ACADSB: variants seen among roughly 807,000 people sequenced by gnomAD.
The protein encoded by ACADSB is acyl-CoA dehydrogenase short/branched chain, also known as short/branched chain specific acyl-CoA dehydrogenase, mitochondrial.
ACADSB carries 40 observed loss-of-function variants against 54.1 expected under a neutral mutation model. The ratio of observed to expected loss-of-function variants is 0.74; its 90% CI spans 0.57 to 0.96. ACADSB has a LOEUF of 0.96. Among genes scored for constraint, ACADSB ranks in the 40% least tolerant of loss-of-function variants. The pLI is 0.00. For synonymous variants in ACADSB, 182 were observed against 182.8 expected, an observed-to-expected ratio of 1.00 and a Z score of 0.03; for missense variants, 530 against 510.4, an observed-to-expected ratio of 1.04 and a Z score of -0.37.
At chr10:123,042,917 T>C (rs1385140948) in intron 5 of ACADSB, 129 bp from the exon 6 acceptor site, 5 of 966,728 alleles carry the variant, frequency 5.2e-6, no homozygotes, top group Non-Finnish European at 7.9e-6. Context: ...ATAATGCCCA[T>C]GTTGCAATTC....
chr10:123,029,035 A>T (rs994316630), intron 1 of ACADSB, among the ~76,000 whole-genome samples: 3 of 152,084 alleles, frequency 2.0e-5, no homozygotes. Flanking sequence ...GTGAAGCAAT[A>T]TTACATATTT....
intron 1 of ACADSB, among the ~76,000 whole-genome samples, chr10:123,019,395 G>A (rs1219863106): frequency 2.0e-5 from 3 of 152,182 alleles, no homozygotes; most frequent in Admixed American, 2.0e-4. Context: ...TTACATAATT[G>A]TTTTAAAATA....
intron 2 of ACADSB, among the ~76,000 whole-genome samples, chr10:123,034,947 C>CTT (rs138763749): frequency 6.7e-6 from 1 of 149,628 alleles, no homozygotes; most frequent in African/African-American, 2.4e-5. Flanking sequence ...TTCTTTCTTT[C>CTT]TTTTTTTTCT....
chr10:123,029,522 G>T (rs1276084285), intron 1 of ACADSB, among the ~76,000 whole-genome samples: 5 of 152,028 alleles, frequency 3.3e-5, no homozygotes, highest in Non-Finnish European at 7.4e-5. Context: ...CTATCATTTG[G>T]TGTTTTAAAG....
chr10:123,032,541 T>C (rs1850339956), intron 1 of ACADSB, among the ~76,000 whole-genome samples: 1 of 151,792 alleles, frequency 6.6e-6, no homozygotes. Context: ...GTGAGCGGAC[T>C]TGGCCCCCAT....
chr10:123,046,664 A>G (rs1850563853), intron 7 of ACADSB, among the ~76,000 whole-genome samples: 1 of 152,242 alleles, frequency 6.6e-6, no homozygotes, highest in Non-Finnish European at 1.5e-5. Flanking sequence ...AAATGATTCT[A>G]TGGTACAGCT....
chr10:123,014,364 TG>T (rs1227293890), intron 1 of ACADSB, among the ~76,000 whole-genome samples: 2 of 152,234 alleles, frequency 1.3e-5, no homozygotes, highest in East Asian at 3.8e-4. Flanking sequence ...GACAGGATCT[TG>T]TTCTGTCACC....
At chr10:123,018,343 C>T (rs1564746369) in intron 1 of ACADSB, among the ~76,000 whole-genome samples, 1 of 152,140 alleles carries the variant, frequency 6.6e-6, no homozygotes, top group Non-Finnish European at 1.5e-5. Context: ...TGTTGATTCC[C>T]TTGCCTTGTG....
intron 3 of ACADSB, among the ~76,000 whole-genome samples, chr10:123,039,768 G>T (rs972314699): frequency 3.3e-5 from 5 of 152,110 alleles, no homozygotes; most frequent in African/African-American, 1.2e-4. Context: ...GGTGGGTAGG[G>T]CATGTTGAAA....
chr10:123,044,981 C>T (rs1276874089), intron 7 of ACADSB, among the ~76,000 whole-genome samples: 1 of 151,174 alleles, frequency 6.6e-6, no homozygotes, highest in African/African-American at 2.4e-5. Flanking sequence ...TAAGTAGATA[C>T]ATAAAATGAG....
intron 1 of ACADSB, among the ~76,000 whole-genome samples, chr10:123,032,244 G>T (rs1341962618): frequency 6.6e-6 from 1 of 151,990 alleles, no homozygotes; most frequent in Non-Finnish European, 1.5e-5. Context: ...CTCCCAAAGT[G>T]CTCGGACTAC....
At chr10:123,042,922 C>A in intron 5 of ACADSB, 124 bp from the exon 6 acceptor site, 1 of 1,059,934 alleles carries the variant, frequency 9.4e-7, no homozygotes, top group Non-Finnish European at 1.4e-6. Context: ...GCCCATGTTG[C>A]AATTCTGAGT....
Position 123,041,346 on chromosome 10 carries a change from C to A in ACADSB, c.648C>A (p.Leu216=), listed in dbSNP as rs763581651. The A allele has an allele frequency of 1.1e-5, 17 of 1,614,078 alleles. No homozygotes were observed. The highest frequency in any genetic ancestry group is 1.4e-5 in the Non-Finnish European group (17 of 1,180,032). The change falls in exon 5 of 11, where the codon CTC becomes CTA. Residue 216 remains leucine (L), a synonymous_variant. Coordinates refer to ENST00000358776, the MANE Select transcript of ACADSB (RefSeq NM_001609.4). The stretch of plus-strand genomic sequence containing the variant: ...TCAGCAGTGCTGAGCACGCAGGGCT[C>A]TTTCTGGTGATGGCAAATGTAGACC... ...MWISSAEHAG[L]FLVMANVDPT...
At chr10:123,012,467 T>A (rs1032750722) in intron 1 of ACADSB, among the ~76,000 whole-genome samples, 1 of 152,192 alleles carries the variant, frequency 6.6e-6, no homozygotes, top group African/African-American at 2.4e-5. Flanking sequence ...TCTCACTGAC[T>A]TCAAGAATGA....
chr10:123,051,542 G>A (rs1054056312), intron 9 of ACADSB, among the ~76,000 whole-genome samples: 1 of 152,182 alleles, frequency 6.6e-6, no homozygotes, highest in Non-Finnish European at 1.5e-5. Flanking sequence ...TCCTCTGAAT[G>A]AGGGTGTCAT....
chr10:123,053,225 TTTTA>T, intron 10 of ACADSB, 65 bp downstream of exon 10: 1 of 1,360,198 alleles, frequency 7.4e-7, no homozygotes, highest in Non-Finnish European at 1.0e-6. Flanking sequence ...ATTTTGGCTG[TTTTA>T]TTTGTCGTTT....
At chr10:123,022,942 T>A (rs1327301680) in intron 1 of ACADSB, among the ~76,000 whole-genome samples, 1 of 152,250 alleles carries the variant, frequency 6.6e-6, no homozygotes, top group Admixed American at 6.5e-5. Context: ...CCATTTACTG[T>A]ACTCAATTCC....
intron 1 of ACADSB, among the ~76,000 whole-genome samples, chr10:123,022,408 C>T (rs1850195001): frequency 6.6e-6 from 1 of 152,214 alleles, no homozygotes; most frequent in African/African-American, 2.4e-5. Flanking sequence ...TCCACTGCCC[C>T]TCCCAGAAGG....
intron 4 of ACADSB, 97 bp downstream of exon 4, chr10:123,040,769 C>A: frequency 1.8e-6 from 2 of 1,133,888 alleles, no homozygotes; most frequent in East Asian, 2.5e-5. Context: ...CTTTACTATC[C>A]AAGACCACAA....
Sources: allele counts gnomAD v4.1 joint callset (sites outside exome capture counted in the v4.1 genomes callset), GRCh38; gene constraint gnomAD v4.1.1; transcripts MANE v1.5; gene names NCBI Gene and HGNC (gene_info 2026-07-23, HGNC 2026-07-21).